Variants in ERAP1 observed in about 807,000 individuals in gnomAD.
ERAP1 encodes the protein adipocyte-derived leucine aminopeptidase.
In ERAP1, 86 loss-of-function variants were observed where a neutral mutation model predicts 103.7. The ratio of observed to expected loss-of-function variants is 0.83; its 90% CI spans 0.70 to 0.99. ERAP1 has a LOEUF of 0.99. ERAP1 is among the 50% of genes least tolerant of loss of function. The probability of loss-of-function intolerance (pLI) is 0.00; values close to 1 mark genes in which losing one functional copy is unlikely to be tolerated. For missense variants in ERAP1, 1,009 were observed against 1,128.4 expected (o/e 0.89, Z 1.52); for synonymous variants, 398 against 402.4 (o/e 0.99, Z 0.13).
chr5:96,898,592 A>AAAT, the ERAP1 span, among the ~76,000 whole-genome samples: 1 of 150,372 alleles, frequency 6.7e-6, no homozygotes, highest in African/African-American at 2.4e-5. Context: ...AAAAAAAAAA[A>AAAT]TTAGCCAGGT....
the ERAP1 span, chr5:96,873,424 C>T: frequency 8.8e-6 from 4 of 454,676 alleles, no homozygotes; most frequent in African/African-American, 2.0e-5. Flanking sequence ...CAGATGAGTG[C>T]CAGTAGACCT....
intron 15 of ERAP1, among the ~76,000 whole-genome samples, 197 bp from the exon 16 acceptor site, chr5:96,782,051 C>T (rs929515182): frequency 6.6e-5 from 10 of 150,492 alleles, no homozygotes; most frequent in African/African-American, 2.4e-4. Context: ...TGCTCTGTCA[C>T]CCAGGCTGGA....
chr5:96,786,677 C>T, intron 11 of ERAP1, 128 bp from the exon 12 acceptor site: 1 of 664,750 alleles, frequency 1.5e-6, no homozygotes. Context: ...TACAGCCAAG[C>T]TCTCAAAACA....
chr5:96,786,138 G>A, intron 12 of ERAP1, 167 bp from the exon 13 acceptor site: 3 of 672,668 alleles, frequency 4.5e-6, no homozygotes, highest in Non-Finnish European at 5.1e-6. Context: ...ATAGACAAAA[G>A]CTAACACTAG....
chr5:96,773,447 T>C (rs1415269905), downstream of ERAP1: 1 of 152,400 alleles, frequency 6.6e-6, no homozygotes, highest in Admixed American at 6.5e-5. Flanking sequence ...TTTACTGTGT[T>C]AGTAAACTGT....
upstream of ERAP1, among the ~76,000 whole-genome samples, chr5:96,809,388 T>C (rs1779011471): frequency 6.6e-6 from 1 of 152,194 alleles, no homozygotes; most frequent in African/African-American, 2.4e-5. Context: ...TGGACCATGG[T>C]CCTAGTGGGA....
exon 20 of ERAP1, chr5:96,762,390 T>C (rs1768310519): frequency 1.9e-6 from 3 of 1,542,010 alleles, no homozygotes; most frequent in Non-Finnish European, 2.6e-6. Context: ...GCACATCTTA[T>C]TTGGGAGATA....
the ERAP1 span, among the ~76,000 whole-genome samples, chr5:96,824,898 GGGC>G: frequency 2.6e-5 from 4 of 152,110 alleles, no homozygotes; most frequent in South Asian, 8.3e-4. Context: ...AAAATTAGCT[GGGC>G]ATGGTGGCAT....
chr5:96,868,815 C>CT, the ERAP1 span, among the ~76,000 whole-genome samples: 80 of 152,258 alleles, frequency 5.3e-4, 1 homozygote, highest in African/African-American at 1.9e-3. Flanking sequence ...AATCACTGCC[C>CT]TAGGCTCTAC....
intron 5 of ERAP1, among the ~76,000 whole-genome samples, chr5:96,794,409 C>A (rs113872069): frequency 3.9e-5 from 6 of 151,998 alleles, no homozygotes; most frequent in Admixed American, 6.6e-5. Flanking sequence ...AGGCTGGCCT[C>A]AAACTCCTGG....
intron 11 of ERAP1, among the ~76,000 whole-genome samples, chr5:96,787,306 T>TC (rs2150936288): frequency 6.6e-6 from 1 of 152,222 alleles, no homozygotes; most frequent in Admixed American, 6.5e-5. Flanking sequence ...GCTCTTGTTG[T>TC]CCAGGCTGGA....
chr5:96,893,103 ATAC>A, the ERAP1 span, among the ~76,000 whole-genome samples: 8 of 152,204 alleles, frequency 5.3e-5, no homozygotes, highest in Non-Finnish European at 1.0e-4. Flanking sequence ...ACTACAAGAA[ATAC>A]TACTATTTCT....
At chr5:96,823,299 G>A in the ERAP1 span, among the ~76,000 whole-genome samples, 31 of 152,158 alleles carry the variant, frequency 2.0e-4, no homozygotes, top group Non-Finnish European at 4.4e-4. Context: ...AACACCAGGA[G>A]GCATGGGTGA....
At chr5:96,879,867 G>A in the ERAP1 span, 120 of 1,614,132 alleles carry the variant, frequency 7.4e-5, no homozygotes, top group Admixed American at 3.8e-4. Flanking sequence ...AATGGGGAAC[G>A]ATTTCCTTGG....
At chr5:96,882,041 C>T in the ERAP1 span, among the ~76,000 whole-genome samples, 1 of 152,186 alleles carries the variant, frequency 6.6e-6, no homozygotes, top group Non-Finnish European at 1.5e-5. Flanking sequence ...CACTTGGGTG[C>T]TCACTGCACA....
At chr5:96,909,668 C>A in the ERAP1 span, 1 of 1,614,192 alleles carries the variant, frequency 6.2e-7, no homozygotes, top group Non-Finnish European at 8.5e-7. Flanking sequence ...CTCCGCTCGG[C>A]TCTCTTGAAG....
the ERAP1 span, among the ~76,000 whole-genome samples, chr5:96,859,157 A>G: frequency 6.6e-6 from 1 of 151,826 alleles, no homozygotes; most frequent in African/African-American, 2.4e-5. Flanking sequence ...TAATTAGCAC[A>G]AGGCCTTCGT....
chr5:96,793,997 G>C, intron 5 of ERAP1, 40 bp from the exon 6 acceptor site: 1 of 1,603,164 alleles, frequency 6.2e-7, no homozygotes, highest in East Asian at 2.2e-5. Flanking sequence ...CAGTCTCTAA[G>C]CTATACATTC....
chr5:96,837,165 T>A, the ERAP1 span, among the ~76,000 whole-genome samples: 2 of 152,224 alleles, frequency 1.3e-5, no homozygotes, highest in Non-Finnish European at 2.9e-5. Context: ...CACATTCCAC[T>A]GGACACACTT....
Sources: gnomAD v4.1 joint callset for allele counts (sites outside exome capture counted in the v4.1 genomes callset) on GRCh38, gnomAD v4.1.1 for gene constraint, MANE v1.5 for transcripts, NCBI Gene and HGNC (gene_info 2026-07-23, HGNC 2026-07-21) for gene names.